Variants in GLRB observed in about 807,000 individuals in gnomAD.
GLRB encodes the protein glycine receptor subunit beta.
Under a neutral mutation model 54.2 loss-of-function variants are expected in GLRB, and 33 were observed. The ratio of observed to expected loss-of-function variants is 0.61; its 90% CI spans 0.46 to 0.81. The LOEUF is 0.81. GLRB is among the 40% of genes least tolerant of loss of function. The pLI is 0.00. For synonymous variants in GLRB, 209 were observed against 208.2 expected (o/e 1.00, Z -0.03); for missense variants, 572 against 584.6 (o/e 0.98, Z 0.22).
intron 4 of GLRB, 95 bp downstream of exon 4, chr4:157,122,492 T>C: frequency 1.9e-6 from 1 of 535,184 alleles, no homozygotes; most frequent in Non-Finnish European, 3.5e-6. Flanking sequence ...GCAACTCAAA[T>C]AATCCATGCC....
At chr4:157,078,947 A>G (rs530545409) in intron 2 of GLRB, among the ~76,000 whole-genome samples, 130 of 152,046 alleles carry the variant, frequency 8.6e-4, no homozygotes, top group Non-Finnish European at 1.6e-3. Context: ...TAATTTTTGT[A>G]TTTTTTAGTA....
At chr4:157,142,325 A>G (rs1261165382) in intron 7 of GLRB, among the ~76,000 whole-genome samples, 1 of 152,096 alleles carries the variant, frequency 6.6e-6, no homozygotes, top group Non-Finnish European at 1.5e-5. Flanking sequence ...ATTCAACTGT[A>G]AAAAAGAAAC....
chr4:157,125,612 A>T (rs1055957771), intron 4 of GLRB, among the ~76,000 whole-genome samples: 1 of 151,674 alleles, frequency 6.6e-6, no homozygotes, highest in Non-Finnish European at 1.5e-5. Flanking sequence ...GCCTCCTAGA[A>T]ATCTCCCCTA....
At chr4:157,116,640 G>T (rs1735617987) in intron 2 of GLRB, among the ~76,000 whole-genome samples, 1 of 151,630 alleles carries the variant, frequency 6.6e-6, no homozygotes, top group South Asian at 2.1e-4. Context: ...AAAACAAAGT[G>T]ACTGTATCCA....
At chr4:157,150,691 C>T (rs895229788) in intron 8 of GLRB, among the ~76,000 whole-genome samples, 1 of 152,002 alleles carries the variant, frequency 6.6e-6, no homozygotes, top group Non-Finnish European at 1.5e-5. Flanking sequence ...CTGACAAAGT[C>T]ATCTTCTTTT....
intron 9 of GLRB, among the ~76,000 whole-genome samples, chr4:157,162,663 CAG>C (rs1182874076): frequency 6.6e-6 from 1 of 152,144 alleles, no homozygotes; most frequent in African/African-American, 2.4e-5. Context: ...TATTGCAGAA[CAG>C]CAAATGTTGC....
intron 2 of GLRB, among the ~76,000 whole-genome samples, chr4:157,104,174 T>C (rs943393660): frequency 6.6e-6 from 1 of 152,190 alleles, no homozygotes; most frequent in Non-Finnish European, 1.5e-5. Context: ...TTGGGAATGA[T>C]GTTCTCTGTG....
intron 5 of GLRB, 42 bp from the exon 6 acceptor site, chr4:157,136,762 G>T: frequency 2.0e-6 from 3 of 1,499,652 alleles, no homozygotes; most frequent in East Asian, 4.5e-5. Context: ...GGATGACAGA[G>T]AAGTATATTA....
intron 1 of GLRB, among the ~76,000 whole-genome samples, chr4:157,076,745 A>C (rs116034124): frequency 0.029 from 4,369 of 151,770 alleles, 176 homozygotes; most frequent in African/African-American, 0.096. Context: ...AAGGATGTGA[A>C]AGTGGGAGAA....
chr4:157,115,373 A>G (rs572291510), intron 2 of GLRB, among the ~76,000 whole-genome samples: 1 of 151,364 alleles, frequency 6.6e-6, no homozygotes, highest in South Asian at 2.1e-4. Flanking sequence ...TAAAATAATG[A>G]CTAATAACAT....
chr4:157,102,828 A>T (rs1413983378), intron 2 of GLRB, among the ~76,000 whole-genome samples: 1 of 152,126 alleles, frequency 6.6e-6, no homozygotes, highest in Non-Finnish European at 1.5e-5. Context: ...CTTGGGGCGG[A>T]GACTTGGCAT....
rs111936119 is a variant in GLRB, at chr4:157,078,192, C to T, written c.122+46C>T. ...ATTCTTATATGGAGAAATGTTATTGCGTGTTTTATAAAAGTAAGGTGGTTT... is the reference window on the plus strand; with the variant it reads ...ATTCTTATATGGAGAAATGTTATTGTGTGTTTTATAAAAGTAAGGTGGTTT... On this transcript the variant is annotated intron_variant, in intron 2 of 9. Coordinates refer to ENST00000264428, the MANE Select transcript of GLRB (RefSeq NM_000824.5). The T allele has an allele frequency of 2.7e-5, 44 of 1,604,352 alleles. 2 individuals are homozygous for T. The highest frequency in any genetic ancestry group is 1.7e-4 in the Middle Eastern group (1 of 6,036).
At chr4:157,114,321 C>T (rs536950609) in intron 2 of GLRB, among the ~76,000 whole-genome samples, 20 of 150,990 alleles carry the variant, frequency 1.3e-4, no homozygotes, top group Admixed American at 1.3e-3. Flanking sequence ...CAGTGTCTTT[C>T]CTGGTCTCTC....
At chr4:157,168,762 A>G (rs946982372) in intron 9 of GLRB, among the ~76,000 whole-genome samples, 1 of 152,172 alleles carries the variant, frequency 6.6e-6, no homozygotes, top group Non-Finnish European at 1.5e-5. Flanking sequence ...CTGGCATTTT[A>G]CAAATATATA....
intron 8 of GLRB, 127 bp from the exon 9 acceptor site, chr4:157,152,591 A>G (rs1457859117): frequency 1.3e-6 from 1 of 790,168 alleles, no homozygotes; most frequent in East Asian, 2.4e-5. Flanking sequence ...TTGAGCTTTA[A>G]GGGGACCTGA....
At chr4:157,131,284 T>G (rs1333868250) in intron 4 of GLRB, among the ~76,000 whole-genome samples, 3 of 151,792 alleles carry the variant, frequency 2.0e-5, no homozygotes, top group Non-Finnish European at 3.0e-5. Context: ...TGATTTTGTT[T>G]ATGGTATTTT....
In GLRB at chr4:157,136,600, A is replaced by AT. The variant is rs1253776114; in HGVS notation, c.435dup (p.Ala146CysfsTer3). 6.2e-7 allele frequency: 1 copy of AT among 1,612,958 alleles called. No homozygotes were observed. The highest frequency in any genetic ancestry group is 8.5e-7 in the Non-Finnish European group (1 of 1,179,128). ...ACAAGTGTTTATGGAAACCTGATTT[A>AT]TTTTTTGCAAATGAAAAAAGTGCCA... On this transcript the variant is annotated frameshift_variant, in exon 5 of 10. Coordinates refer to ENST00000264428, the MANE Select transcript of GLRB (RefSeq NM_000824.5). LOFTEE classifies it high-confidence loss of function.
At position 157,170,988 on chromosome 4, in the gene GLRB, T is replaced by C. The variant is rs900606474; in HGVS notation, c.*260T>C. ...AGGACAAGCATACTACATAATATAA[T>C]CCATACAATTCTCTTCAGTTAGTGT... On this transcript the variant is annotated 3_prime_UTR_variant, in exon 10 of 10. Transcript: ENST00000264428. The C allele has an allele frequency of 3.6e-6, 1 of 274,684 alleles. No homozygotes were observed. The highest frequency in any genetic ancestry group is 6.8e-6 in the Non-Finnish European group (1 of 146,590). The allele number at this position is 274,684 out of a possible 1,614,324, so 17.0% of individuals were successfully genotyped here. A position where few individuals can be genotyped will look rare whatever the true frequency, so the allele number is the denominator to read the frequency against.
intron 9 of GLRB, among the ~76,000 whole-genome samples, chr4:157,154,335 C>T (rs934907409): frequency 2.6e-5 from 4 of 151,302 alleles, no homozygotes; most frequent in African/African-American, 7.3e-5. Flanking sequence ...TTCCATTTAA[C>T]GTAATTATTG....
Sources: gnomAD v4.1 joint callset for allele counts (sites outside exome capture counted in the v4.1 genomes callset) on GRCh38, gnomAD v4.1.1 for gene constraint, MANE v1.5 for transcripts, NCBI Gene and HGNC (gene_info 2026-07-23, HGNC 2026-07-21) for gene names.